The following NEK8 variants were observed in gnomAD, a reference collection of about 807,000 sequenced individuals.
NEK8 encodes NIMA related kinase 8, also known as serine/threonine-protein kinase Nek8.
Under a neutral mutation model 77.2 loss-of-function variants are expected in NEK8, and 51 were observed. The observed-to-expected ratio is 0.66, with a 90% CI of 0.53 to 0.83. The LOEUF (loss-of-function observed/expected upper bound fraction) is 0.83, where lower values mean the gene tolerates loss of function less well. Among genes scored for constraint, NEK8 ranks in the 40% least tolerant of loss-of-function variants. NEK8 has a pLI of 0.00. For synonymous variants in NEK8, 365 were observed against 363.2 expected, an observed-to-expected ratio of 1.00 and a Z score of -0.06; for missense variants, 787 against 909.2, an observed-to-expected ratio of 0.87 and a Z score of 1.73.
At chr17:28,731,533 T>G (rs950244109) in intron 1 of NEK8, among the ~76,000 whole-genome samples, 1 of 151,898 alleles carries the variant, frequency 6.6e-6, no homozygotes, top group African/African-American at 2.4e-5. Flanking sequence ...GTGAGACTCC[T>G]TCTCAAAAAT....
chr17:28,737,182 T>G lies in NEK8; in HGVS notation c.619-124T>G. The G allele has an allele frequency of 3.2e-6, 3 of 941,882 alleles. No homozygotes were observed. The highest frequency in any genetic ancestry group is 5.0e-6 in the Non-Finnish European group (3 of 604,716). The allele number at this position is 941,882 out of a possible 1,614,324, so 58.3% of individuals were successfully genotyped here. A position where few individuals can be genotyped will look rare whatever the true frequency, so the allele number is the denominator to read the frequency against. ...TGTTTTGGTTACTGTAGCCTTGTAG[T>G]ATAGTTTGAAGTCAGGTAGCATGAT... is the stretch of plus-strand genomic sequence containing the variant. On this transcript the variant is annotated intron_variant, in intron 4 of 14. Coordinates refer to ENST00000268766, the MANE Select transcript of NEK8 (RefSeq NM_178170.3). This position sits in a 1 kb window ranked among gnomAD's most constrained non-coding sequence, Gnocchi z 4.8.
rs2034374171 is a variant in NEK8, at chr17:28,737,287, C to T, written c.619-19C>T. The T allele has an allele frequency of 6.3e-7, 1 of 1,597,224 alleles. No individual in the cohort carries two copies. Among genetic ancestry groups the T allele is most frequent in the Non-Finnish European group, 8.5e-7 (1 of 1,172,270 alleles). ...TGCTGCCCTCACTTCCCCAAATTCTCAACCTGGTGCCTTCACAGAACTTGC... is the reference window on the plus strand; with the variant it reads ...TGCTGCCCTCACTTCCCCAAATTCTTAACCTGGTGCCTTCACAGAACTTGC... On this transcript the variant is annotated intron_variant, in intron 4 of 14. Transcript: ENST00000268766. This position sits in a 1 kb window ranked among gnomAD's most constrained non-coding sequence, Gnocchi z 4.8.
intron 4 of NEK8, among the ~76,000 whole-genome samples, chr17:28,736,210 T>C (rs2034364273): frequency 6.6e-6 from 1 of 152,202 alleles, no homozygotes; most frequent in Non-Finnish European, 1.5e-5. Flanking sequence ...GTCTTTGCTA[T>C]TGTGAATAGT....
intron 8 of NEK8, 97 bp from the exon 9 acceptor site, chr17:28,738,574 A>G (rs888322516): frequency 1.9e-5 from 21 of 1,089,294 alleles, no homozygotes; most frequent in Middle Eastern, 2.0e-4. Context: ...CTGGTCCCCA[A>G]CTTTATTTTG....
At chr17:28,731,771 T>C (rs2034309585) in intron 1 of NEK8, among the ~76,000 whole-genome samples, 1 of 149,358 alleles carries the variant, frequency 6.7e-6, no homozygotes, top group Non-Finnish European at 1.5e-5. Flanking sequence ...TCCCGGCTAA[T>C]TTTTTTGTAT....
chr17:28,741,935 G>C lies in NEK8; in HGVS notation c.2051-24G>C. On this transcript the variant is annotated intron_variant, in intron 14 of 14. Transcript: ENST00000268766. This position sits in a 1 kb window ranked among gnomAD's most constrained non-coding sequence, Gnocchi z 4.5. ...GAGGCACTGCCCTCAGAAGCTGCAA[G>C]GGTTTCTCTTCGGTACCCTCCAGCG... The C allele has an allele frequency of 6.2e-7, 1 of 1,614,008 alleles. No homozygotes were observed. The highest frequency in any genetic ancestry group is 8.5e-7 in the Non-Finnish European group (1 of 1,179,908).
chr17:28,735,094 T>G, intron 3 of NEK8, 90 bp downstream of exon 3: 2 of 1,512,656 alleles, frequency 1.3e-6, no homozygotes. Context: ...TAAAAAACCC[T>G]TGGCCCTTTG....
rs773902843 is a variant in NEK8 at position 28,738,190 on chromosome 17, G to T, written c.1167G>T (p.Ser389=). ...QFISRFLEGQ[S]GVTIKHVACG... is the part of the protein sequence containing the mutation. ...TCTCGCGTTTCCTGGAGGGCCAGTC[G>T]GGTGTGACCATCAAGCACGTGGCCT... is the stretch of plus-strand genomic sequence containing the variant. The change falls in exon 8 of 15, where the codon TCG becomes TCT. Residue 389 remains serine, a synonymous_variant. Coordinates refer to ENST00000268766, the MANE Select transcript of NEK8 (RefSeq NM_178170.3). 6.2e-7 allele frequency: 1 copy of T among 1,614,168 alleles called. No homozygotes were observed.
chr17:28,732,850 C>T (rs2034324340), intron 1 of NEK8: 1 of 151,438 alleles, frequency 6.6e-6, no homozygotes, highest in Non-Finnish European at 1.5e-5. Context: ...TTTCGCCCGG[C>T]CTAGGCTGAT....
At chr17:28,735,846 T>C (rs911806583) in intron 4 of NEK8, among the ~76,000 whole-genome samples, 10 of 152,130 alleles carry the variant, frequency 6.6e-5, no homozygotes, top group African/African-American at 2.4e-4. Context: ...TACGTATGTA[T>C]ACATGTGCGA....
Position 28,738,137 on chromosome 17 carries a change from G to T in NEK8, c.1114G>T (p.Ala372Ser), listed in dbSNP as rs757916936. The T allele has an allele frequency of 1.4e-5, 23 of 1,613,972 alleles. No homozygotes were observed. The African/African-American group carries it at 2.5e-4, about 18-fold the overall frequency. The stretch of plus-strand genomic sequence containing the variant: ...AGGCGGAGGCAGTCTCCTTCCTGGG[G>T]CAGTGGAGCAGCCACAGCCCCAGTT... ...GAGGGSLLPG[A>S]VEQPQPQFIS... Residue 372 changes from alanine (A) to serine (S), a missense_variant, in exon 8 of 15, where the codon GCA (alanine) becomes TCA (serine). Transcript: ENST00000268766.
At chr17:28,738,957 G>C (rs1465127342) in intron 9 of NEK8, 127 bp from the exon 10 acceptor site, 1 of 880,108 alleles carries the variant, frequency 1.1e-6, no homozygotes, top group Non-Finnish European at 2.0e-6. Flanking sequence ...AGTGTGTATG[G>C]CTGGATTTAA....
rs765933833 is a variant in NEK8, at chr17:28,737,536, G to A, written c.827+22G>A. On this transcript the variant is annotated intron_variant, in intron 5 of 14. Transcript: ENST00000268766. The surrounding 1 kb of genome is among the most constrained non-coding windows in gnomAD (Gnocchi z 4.8). ...GGAGGCCTGTGCAGGGACAGCGAGC[G>A]GTCCTGGGCGGCAGGGTGTGGGCAC... 1.9e-5 allele frequency: 30 copies of A among 1,612,512 alleles called. No homozygotes were observed. The South Asian group carries it at 2.0e-4, about 11-fold the overall frequency.
In NEK8 at chr17:28,741,868, A is replaced by G. The variant is rs2034426439; in HGVS notation, c.2051-91A>G. The G allele has an allele frequency of 1.4e-6, 2 of 1,392,342 alleles. No individual in the cohort carries two copies. The highest frequency in any genetic ancestry group is 4.6e-5 in the East Asian group (2 of 43,892). The allele number at this position is 1,392,342 out of a possible 1,614,324, so 86.2% of individuals were successfully genotyped here. A position where few individuals can be genotyped will look rare whatever the true frequency, so the allele number is the denominator to read the frequency against. On this transcript the variant is annotated intron_variant, in intron 14 of 14. Transcript: ENST00000268766. This position sits in a 1 kb window ranked among gnomAD's most constrained non-coding sequence, Gnocchi z 4.5. ...TCTTTCTGGCCTAACAGGGTCCAGAATCCAGGGCCCAGTGGGAGTGGGAGG... is the reference window on the plus strand; with the variant it reads ...TCTTTCTGGCCTAACAGGGTCCAGAGTCCAGGGCCCAGTGGGAGTGGGAGG...
At chr17:28,732,403 C>T (rs1421950978) in intron 1 of NEK8, among the ~76,000 whole-genome samples, 1 of 151,590 alleles carries the variant, frequency 6.6e-6, no homozygotes, top group African/African-American at 2.4e-5. Flanking sequence ...GTATTTTAGG[C>T]GAGAAATTAT....
At chr17:28,736,344 C>T (rs1241970101) in intron 4 of NEK8, among the ~76,000 whole-genome samples, 25 of 152,006 alleles carry the variant, frequency 1.6e-4, no homozygotes, top group African/African-American at 5.1e-4. Flanking sequence ...CCTGAGGAAT[C>T]GCCACACTGA....
intron 1 of NEK8, among the ~76,000 whole-genome samples, chr17:28,731,267 G>A (rs2034303507): frequency 6.6e-6 from 1 of 151,450 alleles, no homozygotes; most frequent in Non-Finnish European, 1.5e-5. Flanking sequence ...AAGGCCGGGC[G>A]TGGGGGTCAT....
chr17:28,742,854 C>G lies in NEK8; in HGVS notation c.*867C>G, dbSNP rs1461668865. ...TTGGGAGGCCAAGGCGGGCGGATCA[C>G]TTGAGGTCAGTAGACTGAGGCCAGC... is the stretch of plus-strand genomic sequence containing the variant. On this transcript the variant is annotated 3_prime_UTR_variant, in exon 15 of 15. Coordinates refer to ENST00000268766, the MANE Select transcript of NEK8 (RefSeq NM_178170.3). 6.6e-6 allele frequency: 1 copy of G among 151,910 alleles called. No individual in the cohort carries two copies. Among genetic ancestry groups the G allele is most frequent in the African/African-American group, 2.4e-5 (1 of 41,372 alleles). 9.4% of individuals were successfully genotyped at this position (151,910 alleles called of 1,614,324 possible).
At position 28,737,534 on chromosome 17, in the gene NEK8, G is replaced by A. The variant is rs375021668; in HGVS notation, c.827+20G>A. ...GCGGAGGCCTGTGCAGGGACAGCGAGCGGTCCTGGGCGGCAGGGTGTGGGC... is the reference window on the plus strand; with the variant it reads ...GCGGAGGCCTGTGCAGGGACAGCGAACGGTCCTGGGCGGCAGGGTGTGGGC... On this transcript the variant is annotated intron_variant, in intron 5 of 14. Transcript: ENST00000268766. The surrounding 1 kb of genome is among the most constrained non-coding windows in gnomAD (Gnocchi z 4.8). 6 of 1,612,498 alleles carry A rather than the reference G, an allele frequency of 3.7e-6. No homozygotes were observed. The African/African-American group carries it at 4.0e-5, about 11-fold the overall frequency.
Sources: allele counts gnomAD v4.1 joint callset (sites outside exome capture counted in the v4.1 genomes callset), GRCh38; gene constraint gnomAD v4.1.1; non-coding constraint Gnocchi (gnomAD v3.1); transcripts MANE v1.5; gene names NCBI Gene and HGNC (gene_info 2026-07-23, HGNC 2026-07-21).